Variants in GRID2 observed in about 807,000 individuals in gnomAD.
The protein encoded by GRID2 is glutamate receptor ionotropic, delta-2.
In GRID2, 33 loss-of-function variants were observed where a neutral mutation model predicts 114.8. The ratio of observed to expected loss-of-function variants is 0.29; its 90% confidence interval spans 0.22 to 0.38. GRID2 has a LOEUF of 0.38. Among genes scored for constraint, GRID2 ranks in the 10% least tolerant of loss-of-function variants. The probability of loss-of-function intolerance (pLI) is 1.00; values close to 1 mark genes in which losing one functional copy is unlikely to be tolerated. For synonymous variants in GRID2, 505 were observed against 449.9 expected (o/e 1.12, Z -1.55); for missense variants, 1,184 against 1,257.7 (o/e 0.94, Z 0.89).
At chr4:93,510,142 A>G (rs1729021412) in intron 12 of GRID2, among the ~76,000 whole-genome samples, 1 of 152,062 alleles carries the variant, frequency 6.6e-6, no homozygotes, top group East Asian at 1.9e-4. Context: ...GCCACGTTCC[A>G]TTTTTCTCCC....
chr4:93,387,129 A>G (rs1279355264), intron 8 of GRID2, among the ~76,000 whole-genome samples: 2 of 152,162 alleles, frequency 1.3e-5, no homozygotes, highest in Non-Finnish European at 2.9e-5. Context: ...GAGGATTTCT[A>G]GGAGAAATCC....
At chr4:93,712,927 C>G (rs1728608956) in intron 14 of GRID2, among the ~76,000 whole-genome samples, 1 of 152,138 alleles carries the variant, frequency 6.6e-6, no homozygotes, top group Non-Finnish European at 1.5e-5. Flanking sequence ...CAATAGGTAT[C>G]CAGTATGCAA....
intron 13 of GRID2, among the ~76,000 whole-genome samples, chr4:93,560,246 A>AAAAAAAAAAAAAT: frequency 6.6e-6 from 1 of 150,638 alleles, no homozygotes; most frequent in Non-Finnish European, 1.5e-5. Context: ...AAAAAAAAAA[A>AAAAAAAAAAAAAT]AAAAAAACAG....
At chr4:93,293,077 G>A (rs1230168042) in intron 8 of GRID2, among the ~76,000 whole-genome samples, 1 of 152,162 alleles carries the variant, frequency 6.6e-6, no homozygotes, top group African/African-American at 2.4e-5. Flanking sequence ...GCACCCCTGA[G>A]TACAATCAGT....
At chr4:92,694,666 A>G (rs1035870775) in intron 2 of GRID2, among the ~76,000 whole-genome samples, 1 of 152,170 alleles carries the variant, frequency 6.6e-6, no homozygotes, top group Non-Finnish European at 1.5e-5. Flanking sequence ...ATAAATGTAA[A>G]CATAAGCACA....
intron 3 of GRID2, among the ~76,000 whole-genome samples, chr4:93,088,992 T>C (rs1243228090): frequency 6.6e-6 from 1 of 152,130 alleles, no homozygotes; most frequent in Non-Finnish European, 1.5e-5. Flanking sequence ...GCCTCTGTTC[T>C]AAGTGTTTTA....
At chr4:92,614,896 G>T (rs1031502524) in intron 2 of GRID2, among the ~76,000 whole-genome samples, 2 of 149,958 alleles carry the variant, frequency 1.3e-5, no homozygotes, top group African/African-American at 2.4e-5. Context: ...TACATGTTTA[G>T]AATTATTATA....
At chr4:93,220,354 A>G (rs1303375147) in intron 6 of GRID2, among the ~76,000 whole-genome samples, 8 of 152,094 alleles carry the variant, frequency 5.3e-5, no homozygotes, top group Non-Finnish European at 1.2e-4. Context: ...AAGATATTGA[A>G]AAGTCTTGAC....
Position 92,359,536 on chromosome 4 carries a change from C to T in GRID2, c.88+54792C>T, listed in dbSNP as rs1000946622. ...TGCACAGGAAAAGCCCAGCACAATG[C>T]CTGGCAGTTTGCATTTACTAAACAT... On this transcript the variant is annotated intron_variant, in intron 1 of 15. Coordinates refer to ENST00000282020, the MANE Select transcript of GRID2 (RefSeq NM_001510.4). 2.6e-5 allele frequency among the ~76,000 whole-genome samples: 4 copies of T among 152,056 alleles called. No homozygotes were observed. The East Asian group carries it at 7.8e-4, about 30-fold the overall frequency.
chr4:92,438,647 G>A (rs951418551), intron 1 of GRID2, among the ~76,000 whole-genome samples: 2 of 151,700 alleles, frequency 1.3e-5, no homozygotes, highest in African/African-American at 4.8e-5. Context: ...ACATGTTCGT[G>A]CTGTTTTTCC....
chr4:93,122,412 G>A (rs768188896), intron 4 of GRID2, among the ~76,000 whole-genome samples: 2 of 152,228 alleles, frequency 1.3e-5, no homozygotes, highest in African/African-American at 2.4e-5. Context: ...GTATTTGAAA[G>A]TATTATCTCT....
chr4:93,469,918 G>A (rs1398664494), intron 11 of GRID2, among the ~76,000 whole-genome samples: 3 of 152,084 alleles, frequency 2.0e-5, no homozygotes, highest in Non-Finnish European at 4.4e-5. Context: ...ATTTTTAAAT[G>A]GGTCTTTAAT....
At chr4:93,782,845 G>A (rs1019143934) in intron 1 of GRID2, among the ~76,000 whole-genome samples, 2 of 151,904 alleles carry the variant, frequency 1.3e-5, no homozygotes, top group African/African-American at 2.4e-5. Flanking sequence ...TCTTTGCTAT[G>A]TACTCTTGCC....
At chr4:93,594,321 T>C (rs1578347314) in intron 13 of GRID2, among the ~76,000 whole-genome samples, 1 of 152,088 alleles carries the variant, frequency 6.6e-6, no homozygotes, top group Non-Finnish European at 1.5e-5. Flanking sequence ...CAGTGTGAGG[T>C]GTCAGTGTGC....
chr4:93,053,522 G>A (rs928113016), intron 2 of GRID2, among the ~76,000 whole-genome samples: 12 of 151,910 alleles, frequency 7.9e-5, no homozygotes, highest in African/African-American at 2.9e-4. Flanking sequence ...ACTTATCAAA[G>A]TCTCATTGAA....
chr4:93,424,707 G>A (rs1768667543), intron 10 of GRID2, among the ~76,000 whole-genome samples: 2 of 151,974 alleles, frequency 1.3e-5, no homozygotes, highest in Non-Finnish European at 2.9e-5. Flanking sequence ...AAACTTCTGG[G>A]ATAGGTTACA....
At chr4:92,697,384 T>G (rs974787739) in intron 2 of GRID2, among the ~76,000 whole-genome samples, 5 of 152,184 alleles carry the variant, frequency 3.3e-5, no homozygotes, top group African/African-American at 1.2e-4. Context: ...AACACATTTA[T>G]TCAAGCTAAG....
At chr4:93,296,939 A>G (rs1478632388) in intron 8 of GRID2, among the ~76,000 whole-genome samples, 1 of 152,202 alleles carries the variant, frequency 6.6e-6, no homozygotes, top group East Asian at 1.9e-4. Context: ...CCTATATTGT[A>G]TTCCAAAACT....
At chr4:93,322,061 T>C (rs1448834100) in intron 8 of GRID2, among the ~76,000 whole-genome samples, 1 of 152,054 alleles carries the variant, frequency 6.6e-6, no homozygotes, top group African/African-American at 2.4e-5. Flanking sequence ...TTTTTTATTA[T>C]TATACATTAA....
Sources: gnomAD v4.1 joint callset for allele counts (sites outside exome capture counted in the v4.1 genomes callset) on GRCh38, gnomAD v4.1.1 for gene constraint, MANE v1.5 for transcripts, NCBI Gene and HGNC (gene_info 2026-07-23, HGNC 2026-07-21) for gene names.